IPCEF1: variants seen among roughly 807,000 people sequenced by gnomAD.
The protein encoded by IPCEF1 is interactor protein for cytohesin exchange factors 1.
In IPCEF1, 31 loss-of-function variants were observed where a neutral mutation model predicts 50.9. The observed-to-expected ratio is 0.61, with a 90% CI of 0.46 to 0.82. The LOEUF is 0.82. IPCEF1 is among the 40% of genes least tolerant of loss of function. The probability of loss-of-function intolerance (pLI) is 0.00; values close to 1 mark genes in which losing one functional copy is unlikely to be tolerated. For synonymous variants in IPCEF1, 181 were observed against 192.0 expected, an observed-to-expected ratio of 0.94 and a Z score of 0.47; for missense variants, 458 against 514.0, an observed-to-expected ratio of 0.89 and a Z score of 1.05.
intron 1 of IPCEF1, among the ~76,000 whole-genome samples, chr6:154,312,869 A>G (rs1046219103): frequency 3.3e-5 from 5 of 152,094 alleles, no homozygotes; most frequent in African/African-American, 4.8e-5. Flanking sequence ...ATTGTAAACC[A>G]TAAATATGTA....
At chr6:154,271,136 A>T (rs1333857793) in intron 2 of IPCEF1, among the ~76,000 whole-genome samples, 1 of 152,116 alleles carries the variant, frequency 6.6e-6, no homozygotes, top group African/African-American at 2.4e-5. Context: ...AGGTAGGAGG[A>T]TCACTTGAGG....
intron 9 of IPCEF1, among the ~76,000 whole-genome samples, chr6:154,212,202 T>C (rs1039092892): frequency 5.9e-5 from 9 of 152,330 alleles, no homozygotes; most frequent in South Asian, 2.1e-4. Flanking sequence ...TAACTCTCCA[T>C]AGACTTCACA....
At chr6:154,323,169 G>A (rs1783433267) in intron 1 of IPCEF1, among the ~76,000 whole-genome samples, 1 of 149,364 alleles carries the variant, frequency 6.7e-6, no homozygotes, top group South Asian at 2.2e-4. Flanking sequence ...CCCTTTGCCT[G>A]AGGCCTTCAC....
chr6:154,345,045 C>T (rs1784000236), intron 1 of IPCEF1, among the ~76,000 whole-genome samples: 1 of 152,154 alleles, frequency 6.6e-6, no homozygotes, highest in Non-Finnish European at 1.5e-5. Context: ...AATTTTAATA[C>T]ATTTTGTAGA....
rs3070838 is a variant in IPCEF1 at position 154,198,631 on chromosome 6, T to TACACACACACACAC, written c.910+1023_910+1036dup. Among the ~76,000 whole-genome samples the TACACACACACACAC allele has an allele frequency of 3.0e-3, 437 of 146,798 alleles. 2 individuals are homozygous for TACACACACACACAC. Among genetic ancestry groups the TACACACACACACAC allele is most frequent in the East Asian group, 9.3e-3 (46 of 4,942 alleles). On this transcript the variant is annotated intron_variant, in intron 10 of 11. Coordinates refer to ENST00000367220, the MANE Select transcript of IPCEF1 (RefSeq NM_001130700.2). Reference sequence around the variant, plus strand: ...ATTTACATACTTTTAAAATATTACATACACACACACACACACACACACACA... The same window carrying TACACACACACACAC: ...ATTTACATACTTTTAAAATATTACATACACACACACACACACACACACACACACACACACACACA...
rs538848024 is a variant in IPCEF1, at chr6:154,302,714, A to AT, written c.-61-12959dup. 1.1e-4 allele frequency among the ~76,000 whole-genome samples: 17 copies of AT among 152,092 alleles called. No individual in the cohort carries two copies. The East Asian group carries it at 3.3e-3, about 30-fold the overall frequency. ...GGTCTCGAACTCCTGAGCTTGAGCGATCCCCCAGCCTCGGCCTCCCAAAGT... is the reference window on the plus strand; with the variant it reads ...GGTCTCGAACTCCTGAGCTTGAGCGATTCCCCCAGCCTCGGCCTCCCAAAGT... On this transcript the variant is annotated intron_variant, in intron 1 of 11. Coordinates refer to ENST00000367220, the MANE Select transcript of IPCEF1 (RefSeq NM_001130700.2).
intron 1 of IPCEF1, among the ~76,000 whole-genome samples, chr6:154,297,859 G>A (rs1782702630): frequency 6.6e-6 from 1 of 152,208 alleles, no homozygotes; most frequent in African/African-American, 2.4e-5. Flanking sequence ...TTGCATCACA[G>A]TAGAGGCCCT....
intron 11 of IPCEF1, among the ~76,000 whole-genome samples, chr6:154,165,027 T>C (rs1312187784): frequency 6.6e-6 from 1 of 152,160 alleles, no homozygotes; most frequent in Non-Finnish European, 1.5e-5. Flanking sequence ...ATATAAACAT[T>C]ATTGTTAAAA....
At chr6:154,317,470 A>T (rs1583982696) in intron 1 of IPCEF1, among the ~76,000 whole-genome samples, 1 of 144,380 alleles carries the variant, frequency 6.9e-6, no homozygotes, top group East Asian at 2.2e-4. Context: ...AATCATTTGA[A>T]CCTGGGAGGC....
intron 7 of IPCEF1, chr6:154,218,949 C>A (rs1471185843): frequency 6.6e-6 from 1 of 152,094 alleles, no homozygotes; most frequent in Non-Finnish European, 1.5e-5. Flanking sequence ...CATAGATAGG[C>A]GGTAAGATCT....
chr6:154,333,783 A>G (rs1310778429), intron 1 of IPCEF1, among the ~76,000 whole-genome samples: 1 of 151,772 alleles, frequency 6.6e-6, no homozygotes, highest in African/African-American at 2.4e-5. Flanking sequence ...ATGTGTGTAT[A>G]TGTGTATATA....
chr6:154,279,242 G>A (rs1394803914), intron 2 of IPCEF1, among the ~76,000 whole-genome samples: 3 of 151,892 alleles, frequency 2.0e-5, no homozygotes, highest in Non-Finnish European at 4.4e-5. Context: ...TAAGAAGATA[G>A]CAATATCATA....
intron 9 of IPCEF1, among the ~76,000 whole-genome samples, chr6:154,209,487 CA>C (rs950737544): frequency 4.7e-5 from 7 of 147,968 alleles, no homozygotes; most frequent in Admixed American, 6.7e-5. Context: ...CCTATCTCCA[CA>C]AAAAAAAAAT....
At chr6:154,230,594 G>T (rs942024528) in intron 5 of IPCEF1, among the ~76,000 whole-genome samples, 1 of 152,166 alleles carries the variant, frequency 6.6e-6, no homozygotes. Context: ...GTGTATTCCC[G>T]AGTCTAAATA....
At chr6:154,164,722 C>G (rs565689444) in intron 11 of IPCEF1, among the ~76,000 whole-genome samples, 154 of 152,280 alleles carry the variant, frequency 1.0e-3, no homozygotes, top group African/African-American at 3.6e-3. Context: ...AAGGGTTCAC[C>G]GCTCTTGTGA....
intron 1 of IPCEF1, among the ~76,000 whole-genome samples, chr6:154,295,878 CACACACACACAT>C (rs1562583504): frequency 3.6e-5 from 5 of 140,082 alleles, no homozygotes; most frequent in African/African-American, 1.4e-4. Flanking sequence ...CACACACACA[CACACACACACAT>C]GCGTACACAC....
At chr6:154,260,532 G>T (rs963863841) in intron 3 of IPCEF1, among the ~76,000 whole-genome samples, 1 of 150,916 alleles carries the variant, frequency 6.6e-6, no homozygotes, top group Admixed American at 6.6e-5. Context: ...GAGTGCAGTG[G>T]CGCCATCTCA....
At chr6:154,326,102 T>C (rs901807955) in intron 1 of IPCEF1, among the ~76,000 whole-genome samples, 10 of 151,748 alleles carry the variant, frequency 6.6e-5, no homozygotes, top group Non-Finnish European at 1.2e-4. Context: ...GGTGTGTGCC[T>C]GTGGTCCCAG....
intron 2 of IPCEF1, among the ~76,000 whole-genome samples, chr6:154,266,583 T>TATATATATAC (rs1413490392): frequency 1.4e-5 from 2 of 139,250 alleles, no homozygotes; most frequent in East Asian, 4.0e-4. Context: ...TATATATATA[T>TATATATATAC]ATACACACAA....
Sources: allele counts gnomAD v4.1 joint callset (sites outside exome capture counted in the v4.1 genomes callset), GRCh38; gene constraint gnomAD v4.1.1; transcripts MANE v1.5; gene names NCBI Gene and HGNC (gene_info 2026-07-23, HGNC 2026-07-21).